The following PIWIL2 variants were observed in gnomAD, a reference collection of about 807,000 sequenced individuals.
The protein encoded by PIWIL2 is piwi like RNA-mediated gene silencing 2.
PIWIL2 carries 81 observed loss-of-function variants against 116.5 expected under a neutral mutation model. The ratio of observed to expected loss-of-function variants is 0.70; its 90% CI spans 0.58 to 0.84. The LOEUF (loss-of-function observed/expected upper bound fraction) is 0.84, where lower values mean the gene tolerates loss of function less well. PIWIL2 is among the 40% of genes least tolerant of loss of function. PIWIL2 has a pLI of 0.00. For synonymous variants in PIWIL2, 489 were observed against 429.5 expected, an observed-to-expected ratio of 1.14 and a Z score of -1.71; for missense variants, 1,272 against 1,212.3, an observed-to-expected ratio of 1.05 and a Z score of -0.73.
intron 14 of PIWIL2, among the ~76,000 whole-genome samples, chr8:22,309,326 A>ATATTT (rs1416570621): frequency 6.6e-6 from 1 of 151,822 alleles, no homozygotes; most frequent in Non-Finnish European, 1.5e-5. Flanking sequence ...TTTAATACTT[A>ATATTT]TATTTTATTT....
intron 6 of PIWIL2, among the ~76,000 whole-genome samples, chr8:22,286,658 G>T (rs939517745): frequency 6.6e-6 from 1 of 152,116 alleles, no homozygotes; most frequent in African/African-American, 2.4e-5. Context: ...GTCTCACTCT[G>T]TTGCGCAGGC....
rs1230299428 is a variant in PIWIL2 at position 22,301,277 on chromosome 8, C to T, written c.1182-2744C>T. On this transcript the variant is annotated intron_variant, in intron 10 of 22. Coordinates refer to ENST00000356766, the MANE Select transcript of PIWIL2 (RefSeq NM_018068.5). ...TGAGCCATCACACCCGGCCAGTGGTCCCTTTTATTTGTTTTTTATTCTTTT... is the reference window on the plus strand; with the variant it reads ...TGAGCCATCACACCCGGCCAGTGGTTCCTTTTATTTGTTTTTTATTCTTTT... Among the ~76,000 whole-genome samples the T allele has an allele frequency of 2.3e-4, 35 of 151,860 alleles. 1 individual carries two copies. Among genetic ancestry groups the T allele is most frequent in the Admixed American group, 2.3e-3 (35 of 15,236 alleles).
chr8:22,337,173 A>G (rs1341651372), intron 20 of PIWIL2, among the ~76,000 whole-genome samples: 1 of 152,180 alleles, frequency 6.6e-6, no homozygotes, highest in East Asian at 1.9e-4. Flanking sequence ...AAGCCAAACA[A>G]AGCCATCTCA....
chr8:22,341,299 T>A (rs1437896715), intron 20 of PIWIL2, among the ~76,000 whole-genome samples: 41 of 142,014 alleles, frequency 2.9e-4, no homozygotes, highest in East Asian at 1.6e-3. Context: ...ATTCATGATT[T>A]AAAAAAAAAA....
At chr8:22,350,930 C>T (rs1832338054) in intron 20 of PIWIL2, among the ~76,000 whole-genome samples, 1 of 152,130 alleles carries the variant, frequency 6.6e-6, no homozygotes, top group Non-Finnish European at 1.5e-5. Context: ...GACCTGAGGT[C>T]AGGAGTTTGA....
intron 10 of PIWIL2, among the ~76,000 whole-genome samples, chr8:22,297,889 G>A (rs578111336): frequency 1.6e-4 from 25 of 152,250 alleles, no homozygotes; most frequent in African/African-American, 5.8e-4. Flanking sequence ...TCTATGTTGA[G>A]CAGAAAAGAC....
At chr8:22,279,781 A>G (rs1311903023) in intron 2 of PIWIL2, among the ~76,000 whole-genome samples, 197 bp downstream of exon 2, 1 of 152,184 alleles carries the variant, frequency 6.6e-6, no homozygotes, top group African/African-American at 2.4e-5. Flanking sequence ...ACATGGTGAA[A>G]CCCTGTCTCT....
At chr8:22,335,944 AAGAC>A (rs1273678895) in intron 20 of PIWIL2, among the ~76,000 whole-genome samples, 1 of 152,228 alleles carries the variant, frequency 6.6e-6, no homozygotes, top group Non-Finnish European at 1.5e-5. Flanking sequence ...ATCCATGAGA[AAGAC>A]ATAACAATTA....
At chr8:22,326,188 C>G (rs1371066356) in intron 20 of PIWIL2, among the ~76,000 whole-genome samples, 1 of 151,122 alleles carries the variant, frequency 6.6e-6, no homozygotes, top group African/African-American at 2.4e-5. Flanking sequence ...TGTTGGCCAT[C>G]AACATGTCCT....
intron 8 of PIWIL2, among the ~76,000 whole-genome samples, chr8:22,289,467 T>C (rs966516976): frequency 1.3e-5 from 2 of 152,206 alleles, no homozygotes; most frequent in African/African-American, 4.8e-5. Flanking sequence ...ACCTAATTTC[T>C]ACCTAGTAAG....
intron 20 of PIWIL2, among the ~76,000 whole-genome samples, chr8:22,329,686 G>T (rs1831813758): frequency 6.6e-6 from 1 of 152,198 alleles, no homozygotes; most frequent in Non-Finnish European, 1.5e-5. Context: ...CACACATTCA[G>T]ACTGTAGCAA....
In PIWIL2 at chr8:22,355,709, T is replaced by C. The variant is rs921546412; in HGVS notation, c.*204T>C. 3.4e-6 allele frequency: 2 copies of C among 580,606 alleles called. No individual in the cohort carries two copies. The highest frequency in any genetic ancestry group is 6.1e-6 in the Non-Finnish European group (2 of 329,234). 36.0% of individuals were successfully genotyped at this position (580,606 alleles called of 1,614,324 possible). A position where few individuals can be genotyped will look rare whatever the true frequency, so the allele number is the denominator to read the frequency against. ...TCTGAGTAACAGCTGAAAATGGCCT[T>C]GTTGCCTGTGTAGAGCAAGTTACGG... is the stretch of plus-strand genomic sequence containing the variant. On this transcript the variant is annotated 3_prime_UTR_variant, in exon 23 of 23. Coordinates refer to ENST00000356766, the MANE Select transcript of PIWIL2 (RefSeq NM_018068.5).
intron 4 of PIWIL2, among the ~76,000 whole-genome samples, chr8:22,282,451 G>C (rs1830532051): frequency 6.6e-6 from 1 of 151,978 alleles, no homozygotes; most frequent in Non-Finnish European, 1.5e-5. Context: ...GCTTCCCAGA[G>C]AGCTGGGATT....
rs780290243 is a variant in PIWIL2, at chr8:22,355,475, C to A, written c.2892C>A (p.Ile964=). The change falls in exon 23 of 23, where the codon ATC becomes ATA. Residue 964 remains isoleucine, a synonymous_variant. Coordinates refer to ENST00000356766, the MANE Select transcript of PIWIL2 (RefSeq NM_018068.5). ...SGHILHHEPA[I]QLCENLFFL Reference sequence around the variant, plus strand: ...ACATCTTGCATCATGAACCAGCCATCCAGCTGTGCGAGAACCTGTTCTTCC... The same window carrying A: ...ACATCTTGCATCATGAACCAGCCATACAGCTGTGCGAGAACCTGTTCTTCC... The A allele has an allele frequency of 6.2e-7, 1 of 1,614,160 alleles. No homozygotes were observed. Among genetic ancestry groups the A allele is most frequent in the South Asian group, 1.1e-5 (1 of 91,074 alleles).
At chr8:22,342,409 G>A (rs1429645910) in intron 20 of PIWIL2, among the ~76,000 whole-genome samples, 1 of 152,114 alleles carries the variant, frequency 6.6e-6, no homozygotes, top group Non-Finnish European at 1.5e-5. Context: ...AAGATTGTGT[G>A]GTATTGATGA....
At chr8:22,323,141 A>G (rs1831642376) in intron 20 of PIWIL2, among the ~76,000 whole-genome samples, 2 of 81,936 alleles carry the variant, frequency 2.4e-5, no homozygotes, top group Non-Finnish European at 2.2e-5. Context: ...GATAGTCTTG[A>G]TCTTTTTTTT....
intron 16 of PIWIL2, 131 bp from the exon 17 acceptor site, chr8:22,314,197 T>G: frequency 2.2e-6 from 1 of 444,572 alleles, no homozygotes; most frequent in Non-Finnish European, 4.0e-6. Context: ...ATGTCCACCC[T>G]CTTTATTTCA....
Position 22,355,519 on chromosome 8 carries a change from A to C in PIWIL2, c.*14A>C, listed in dbSNP as rs1324711622. 1 of 1,611,334 alleles carries C rather than the reference A, an allele frequency of 6.2e-7. No homozygotes were observed. The highest frequency in any genetic ancestry group is 8.5e-7 in the Non-Finnish European group (1 of 1,178,424). ...TTCTTCCTGTGACTGCACAGCTTGG[A>C]GATGGGCTGGTGAGAAGAAAGGCGG... is the stretch of plus-strand genomic sequence containing the variant. On this transcript the variant is annotated 3_prime_UTR_variant, in exon 23 of 23. Coordinates refer to ENST00000356766, the MANE Select transcript of PIWIL2 (RefSeq NM_018068.5).
At position 22,353,078 on chromosome 8, in the gene PIWIL2, G is replaced by A. The variant is rs763871156; in HGVS notation, c.2523G>A (p.Glu841=). ...TACAGAAGTGTTTTGAAGCTTTTGAGAATTATCAGCCCAAGATGGTGGTGT... is the reference window on the plus strand; with the variant it reads ...TACAGAAGTGTTTTGAAGCTTTTGAAAATTATCAGCCCAAGATGGTGGTGT... ...PQLQKCFEAF[E]NYQPKMVVFV... The change falls in exon 21 of 23, where the codon GAG becomes GAA. Residue 841 remains glutamate (E), a synonymous_variant. Transcript: ENST00000356766. 6.2e-7 allele frequency: 1 copy of A among 1,614,042 alleles called. No homozygotes were observed. The highest frequency in any genetic ancestry group is 1.3e-5 in the African/African-American group (1 of 74,922).
Sources: allele counts gnomAD v4.1 joint callset (sites outside exome capture counted in the v4.1 genomes callset), GRCh38; gene constraint gnomAD v4.1.1; transcripts MANE v1.5; gene names NCBI Gene and HGNC (gene_info 2026-07-23, HGNC 2026-07-21).